Variants in NOVA1 observed in about 807,000 individuals in gnomAD.
The protein encoded by NOVA1 is RNA-binding protein Nova-1.
A neutral mutation model predicts 38.0 loss-of-function variants in NOVA1; 7 were observed. The observed-to-expected ratio is 0.18, with a 90% confidence interval of 0.10 to 0.35. The LOEUF (loss-of-function observed/expected upper bound fraction) is 0.35. Among genes scored for constraint, NOVA1 ranks in the 10% least tolerant of loss-of-function variants. The pLI, the probability that NOVA1 is intolerant of heterozygous loss-of-function variation, is 1.00. For synonymous variants in NOVA1, 270 were observed against 232.5 expected (o/e 1.16, Z -1.47); for missense variants, 460 against 616.0 (o/e 0.75, Z 2.68).
chr14:26,568,305 A>G (rs765264982), intron 2 of NOVA1: 5 of 152,188 alleles, frequency 3.3e-5, no homozygotes, highest in Non-Finnish European at 5.9e-5. Context: ...TTATGAGAGA[A>G]GAATTTAAAC....
At chr14:26,484,457 A>AAAAAAAAAAAAAAAC in intron 2 of NOVA1, among the ~76,000 whole-genome samples, 1 of 102,586 alleles carries the variant, frequency 9.7e-6, no homozygotes, top group Non-Finnish European at 2.0e-5. Flanking sequence ...AAAAAAAAAA[A>AAAAAAAAAAAAAAAC]AAAAAGAAAT....
chr14:26,526,533 TGGA>T (rs911248409), intron 2 of NOVA1, among the ~76,000 whole-genome samples: 1 of 151,654 alleles, frequency 6.6e-6, no homozygotes, highest in African/African-American at 2.4e-5. Flanking sequence ...ACAAAAATCT[TGGA>T]GATTTTTTTA....
At position 26,443,184 on chromosome 14, in the gene NOVA1, C is replaced by T. The variant is rs1289236897; in HGVS notation, c.*4775G>A. The stretch of plus-strand genomic sequence containing the variant: ...TTAATTTTCCAAAATGAGCTTAAAA[C>T]GTGTTCCACAGTTTTTGCTTGTTTA... On this transcript the variant is annotated 3_prime_UTR_variant, in exon 5 of 5. Transcript: ENST00000539517. 6.6e-6 allele frequency: 1 copy of T among 151,986 alleles called. No individual in the cohort carries two copies. The highest frequency in any genetic ancestry group is 6.6e-5 in the Admixed American group (1 of 15,266). The allele number at this position is 151,986 out of a possible 1,614,324, so 9.4% of individuals were successfully genotyped here.
At chr14:26,540,583 A>G (rs1215616098) in intron 2 of NOVA1, among the ~76,000 whole-genome samples, 3 of 152,260 alleles carry the variant, frequency 2.0e-5, no homozygotes, top group Non-Finnish European at 4.4e-5. Flanking sequence ...CTAGCATACT[A>G]TAAGTAAAAT....
intron 2 of NOVA1, among the ~76,000 whole-genome samples, chr14:26,543,238 T>C (rs563212371): frequency 6.6e-6 from 1 of 152,120 alleles, no homozygotes; most frequent in East Asian, 1.9e-4. Context: ...AAACTAACTG[T>C]TGATCCCTCA....
At chr14:26,489,466 A>C (rs990136555) in intron 2 of NOVA1, among the ~76,000 whole-genome samples, 2 of 151,820 alleles carry the variant, frequency 1.3e-5, no homozygotes, top group African/African-American at 4.8e-5. Flanking sequence ...AGTCGGAAAA[A>C]CAACAGAAAT....
At chr14:26,500,666 C>T (rs1245203) in intron 2 of NOVA1, among the ~76,000 whole-genome samples, 96,078 of 151,726 alleles carry the variant, frequency 0.63, 32,961 homozygotes, top group Non-Finnish European at 0.75. Context: ...AAAAATATGA[C>T]CATATTCATA....
chr14:26,520,592 C>A (rs931682511), intron 2 of NOVA1, among the ~76,000 whole-genome samples: 1 of 152,050 alleles, frequency 6.6e-6, no homozygotes, highest in Non-Finnish European at 1.5e-5. Context: ...CATCGCATTG[C>A]CGGACCTAAG....
chr14:26,527,001 A>T (rs1356077720), intron 2 of NOVA1, among the ~76,000 whole-genome samples: 1 of 121,668 alleles, frequency 8.2e-6, no homozygotes, highest in Non-Finnish European at 1.8e-5. Context: ...CATCCTGAGG[A>T]TGCCTGGGTC....
At chr14:26,468,448 G>A (rs1000400283) in intron 4 of NOVA1, among the ~76,000 whole-genome samples, 2 of 152,312 alleles carry the variant, frequency 1.3e-5, no homozygotes, top group African/African-American at 4.8e-5. Context: ...CAAGCAAAGG[G>A]CTCAGCCTGC....
chr14:26,502,220 C>A (rs1279239275), intron 2 of NOVA1, among the ~76,000 whole-genome samples: 1 of 151,656 alleles, frequency 6.6e-6, no homozygotes, highest in Non-Finnish European at 1.5e-5. Flanking sequence ...CTTTACTAAT[C>A]ATGGATATTA....
chr14:26,490,443 A>G (rs1330527600), intron 2 of NOVA1, among the ~76,000 whole-genome samples: 1 of 151,962 alleles, frequency 6.6e-6, no homozygotes, highest in Admixed American at 6.6e-5. Context: ...CCGCGGCACC[A>G]TTTTACATCC....
intron 4 of NOVA1, among the ~76,000 whole-genome samples, chr14:26,469,463 T>C (rs924981450): frequency 4.6e-5 from 7 of 152,224 alleles, no homozygotes; most frequent in African/African-American, 9.6e-5. Flanking sequence ...TCATTAGCAC[T>C]TGACAGATAA....
intron 2 of NOVA1, among the ~76,000 whole-genome samples, chr14:26,516,265 CA>C (rs1308718088): frequency 6.6e-6 from 1 of 152,106 alleles, no homozygotes; most frequent in African/African-American, 2.4e-5. Flanking sequence ...GATTTGAAGG[CA>C]TTCTATGCAT....
At chr14:26,593,451 TATAAA>T (rs769605711) in intron 2 of NOVA1, 6 of 151,900 alleles carry the variant, frequency 3.9e-5, no homozygotes, top group Non-Finnish European at 8.8e-5. Flanking sequence ...TTAAGCTTCT[TATAAA>T]CTACGAGGCT....
intron 2 of NOVA1, among the ~76,000 whole-genome samples, chr14:26,538,869 T>C (rs1280495865): frequency 6.6e-6 from 1 of 152,174 alleles, no homozygotes; most frequent in East Asian, 1.9e-4. Context: ...CCACATTCTC[T>C]TTCTGAAGGA....
At chr14:26,466,500 T>C (rs1360619142) in intron 4 of NOVA1, among the ~76,000 whole-genome samples, 2 of 152,196 alleles carry the variant, frequency 1.3e-5, no homozygotes, top group Admixed American at 1.3e-4. Context: ...ACACAAGTTA[T>C]GTGGGGCCTG....
chr14:26,569,316 AT>A (rs564740743), intron 2 of NOVA1, among the ~76,000 whole-genome samples: 1 of 152,344 alleles, frequency 6.6e-6, no homozygotes, highest in East Asian at 1.9e-4. Context: ...CTTGTAAAGT[AT>A]TTTGAATACA....
At chr14:26,492,936 A>T (rs1399662422) in intron 2 of NOVA1, among the ~76,000 whole-genome samples, 2 of 152,154 alleles carry the variant, frequency 1.3e-5, no homozygotes, top group African/African-American at 2.4e-5. Context: ...CTGTCTCAAA[A>T]AAAAAATTAA....
Sources: gnomAD v4.1 joint callset for allele counts (sites outside exome capture counted in the v4.1 genomes callset) on GRCh38, gnomAD v4.1.1 for gene constraint, MANE v1.5 for transcripts, NCBI Gene and HGNC (gene_info 2026-07-23, HGNC 2026-07-21) for gene names.